CFAP251: variants seen among roughly 807,000 people sequenced by gnomAD.
CFAP251 encodes cilia- and flagella-associated protein 251.
CFAP251 carries 93 observed loss-of-function variants against 126.7 expected under a neutral mutation model. That is an observed-to-expected ratio of 0.73 (90% CI 0.62 to 0.87). The LOEUF (loss-of-function observed/expected upper bound fraction) is 0.87. Among genes scored for constraint, CFAP251 ranks in the 40% least tolerant of loss-of-function variants. The probability of loss-of-function intolerance (pLI) is 0.00; values close to 1 mark genes in which losing one functional copy is unlikely to be tolerated. For synonymous variants in CFAP251, 503 were observed against 506.9 expected, an observed-to-expected ratio of 0.99 and a Z score of 0.10; for missense variants, 1,287 against 1,389.2, an observed-to-expected ratio of 0.93 and a Z score of 1.17.
chr12:121,985,526 A>G (rs1371630980), intron 19 of CFAP251, among the ~76,000 whole-genome samples: 1 of 130,174 alleles, frequency 7.7e-6, no homozygotes, highest in Non-Finnish European at 1.5e-5. Flanking sequence ...ACAGAGCAAG[A>G]CTCCATCTCA....
At chr12:121,954,664 A>T (rs943708238) in intron 10 of CFAP251, among the ~76,000 whole-genome samples, 1 of 147,844 alleles carries the variant, frequency 6.8e-6, no homozygotes, top group African/African-American at 2.4e-5. Flanking sequence ...AAAAAAAAAA[A>T]AAAACCTCTT....
At chr12:121,984,716 T>C (rs550860945) in intron 19 of CFAP251, among the ~76,000 whole-genome samples, 87 of 152,338 alleles carry the variant, frequency 5.7e-4, no homozygotes, top group African/African-American at 1.8e-3. Context: ...GGCAGTTCCA[T>C]CCTCTATCTT....
Position 121,934,307 on chromosome 12 carries a change from G to T in CFAP251, c.949G>T (p.Ala317Ser). ...TGAAGACAGGCGGTGGATCGCCACA[G>T]CAGACAAAGGGCCAGACTGCCTGGT... is the stretch of plus-strand genomic sequence containing the variant. ...VSEDRRWIAT[A>S]DKGPDCLVII... is the part of the protein sequence containing the mutation. Residue 317 changes from alanine (A) to serine (S), a missense_variant, in exon 5 of 22, where the codon GCA (alanine) becomes TCA (serine). Ala to Ser is a moderately conservative substitution (Grantham distance 99). Transcript: ENST00000288912. 5 of 1,614,058 alleles carry T rather than the reference G, an allele frequency of 3.1e-6. No homozygotes were observed. The highest frequency in any genetic ancestry group is 3.4e-6 in the Non-Finnish European group (4 of 1,180,004).
rs1339855258 is a variant in CFAP251 at position 121,960,701 on chromosome 12, G to T, written c.2250G>T (p.Gly750=). ...HRKSIRSLLF[G]VYLDSNEPRL... ...AAAGCATTCGAAGTCTCCTGTTTGG[G>T]GTTTACCTGGACAGCAATGAGCCTA... The change falls in exon 14 of 22, where the codon GGG becomes GGT. Residue 750 remains glycine (G), a synonymous_variant. Coordinates refer to ENST00000288912, the MANE Select transcript of CFAP251 (RefSeq NM_144668.6). 3 of 1,613,960 alleles carry T rather than the reference G, an allele frequency of 1.9e-6. No individual in the cohort carries two copies. The highest frequency in any genetic ancestry group is 2.5e-6 in the Non-Finnish European group (3 of 1,179,930).
rs776727712 is a variant in CFAP251 at position 121,999,734 on chromosome 12, G to A, written c.3025G>A (p.Glu1009Lys). Reference sequence around the variant, plus strand: ...CCCCTAGATTGATGATATATTTAACGAAATCAAATTTGGTGAATATGTGGA... The same window carrying A: ...CCCCTAGATTGATGATATATTTAACAAAATCAAATTTGGTGAATATGTGGA... Reference protein sequence around the residue: ...SEEKIDDIFNEIKFGEYVDTG... With the variant: ...SEEKIDDIFNKIKFGEYVDTG... The change falls in exon 20 of 22, where the codon GAA (glutamate) becomes AAA (lysine). Residue 1009 changes from glutamate (E) to lysine (K), a missense_variant. Physicochemically the swap from Glu to Lys is moderately conservative, Grantham distance 56. Coordinates refer to ENST00000288912, the MANE Select transcript of CFAP251 (RefSeq NM_144668.6). The A allele has an allele frequency of 1.8e-5, 29 of 1,605,270 alleles. No individual in the cohort carries two copies. Among genetic ancestry groups the A allele is most frequent in the Middle Eastern group, 1.7e-4 (1 of 6,060 alleles).
At chr12:121,951,892 G>A (rs1231843476) in intron 9 of CFAP251, among the ~76,000 whole-genome samples, 2 of 151,458 alleles carry the variant, frequency 1.3e-5, no homozygotes, top group Non-Finnish European at 2.9e-5. Flanking sequence ...CTAATTTTTT[G>A]TATTTTTTTT....
At chr12:121,927,301 T>C (rs1287747437) in intron 3 of CFAP251, among the ~76,000 whole-genome samples, 4 of 152,126 alleles carry the variant, frequency 2.6e-5, no homozygotes, top group Admixed American at 2.6e-4. Flanking sequence ...CTTCCTCTTT[T>C]TGTTTTTCTT....
At chr12:121,947,734 G>A (rs898624776) in intron 7 of CFAP251, 5 of 152,182 alleles carry the variant, frequency 3.3e-5, no homozygotes, top group African/African-American at 1.2e-4. Context: ...TAGCAGAGTG[G>A]TCAGCTTAAT....
Position 121,928,674 on chromosome 12 carries a change from A to ATACG in CFAP251, c.748-3070_748-3069insCGTA, listed in dbSNP as rs1565902707. 5.1e-3 allele frequency among the ~76,000 whole-genome samples: 91 copies of ATACG among 17,792 alleles called. 3 individuals carry two copies. In the African/African-American group the frequency reaches 0.056, roughly 11 times the overall value. 11.7% of individuals were successfully genotyped at this position (17,792 alleles called of 152,430 possible). A position where few individuals can be genotyped will look rare whatever the true frequency, so the allele number is the denominator to read the frequency against. On this transcript the variant is annotated intron_variant, in intron 3 of 21. Transcript: ENST00000288912. ...TATATATACGTATATATATACGTAT[A>ATACG]TATATATATATATACGTATATATAT...
At chr12:121,998,866 G>C (rs1883083984) in intron 19 of CFAP251, 2 of 135,814 alleles carry the variant, frequency 1.5e-5, no homozygotes, top group Non-Finnish European at 3.0e-5. Context: ...CTCCAGTCTG[G>C]GTCAAAGAGT....
chr12:121,992,455 T>G, intron 19 of CFAP251: 1 of 985,408 alleles, frequency 1.0e-6, no homozygotes, highest in Non-Finnish European at 1.2e-6. Context: ...TGGAACTCTC[T>G]GGGTATGAGT....
At chr12:121,971,316 G>T (rs1397756133) in intron 17 of CFAP251, among the ~76,000 whole-genome samples, 1 of 152,186 alleles carries the variant, frequency 6.6e-6, no homozygotes, top group Admixed American at 6.5e-5. Context: ...TGCTGGAGGG[G>T]CCCTCAGGCA....
chr12:121,962,138 T>G lies in CFAP251; in HGVS notation c.2468T>G (p.Phe823Cys), dbSNP rs1370016080. 1 of 1,613,556 alleles carries G rather than the reference T, an allele frequency of 6.2e-7. No homozygotes were observed. The change falls in exon 15 of 22, where the codon TTT (phenylalanine) becomes TGT (cysteine). Residue 823 changes from phenylalanine to cysteine, a missense_variant. Phe to Cys is a radical substitution (Grantham distance 205). Transcript: ENST00000288912. ...ICNSGYKVKL[F>C]NATTKMCRKT... ...AACAGTGGCTACAAAGTGAAGCTTT[T>G]TAATGCTACTACCAAAATGTGCAGG...
chr12:121,918,711 A>ACAG lies in CFAP251; in HGVS notation c.-21+16_-21+17insCAG, dbSNP rs895227835. 3.3e-5 allele frequency: 5 copies of ACAG among 152,448 alleles called. No homozygotes were observed. The highest frequency in any genetic ancestry group is 1.2e-4 in the African/African-American group (5 of 41,434). The allele number at this position is 152,448 out of a possible 1,614,324, so 9.4% of individuals were successfully genotyped here. A position where few individuals can be genotyped will look rare whatever the true frequency, so the allele number is the denominator to read the frequency against. ...GAAGACCGGGGTGGGTGCTCTCTGTAAGTCCGGGGCGGAGGCCACGCGGCC... is the reference window on the plus strand; with the variant it reads ...GAAGACCGGGGTGGGTGCTCTCTGTACAGAGTCCGGGGCGGAGGCCACGCGGCC... On this transcript the variant is annotated intron_variant, in intron 1 of 21. Coordinates refer to ENST00000288912, the MANE Select transcript of CFAP251 (RefSeq NM_144668.6). This position sits in a 1 kb window ranked among gnomAD's most constrained non-coding sequence, Gnocchi z 4.3.
At position 121,934,195 on chromosome 12, in the gene CFAP251, A is replaced by G. The variant is rs1175291343; in HGVS notation, c.889-52A>G. On this transcript the variant is annotated intron_variant, in intron 4 of 21. Coordinates refer to ENST00000288912, the MANE Select transcript of CFAP251 (RefSeq NM_144668.6). ...CCCCGGCCTTTGCTGATAGTGGCCAAGGCTGGGCCGCATCTTGGATGTTTC... is the reference window on the plus strand; with the variant it reads ...CCCCGGCCTTTGCTGATAGTGGCCAGGGCTGGGCCGCATCTTGGATGTTTC... 5.4e-6 allele frequency: 8 copies of G among 1,478,294 alleles called. No individual in the cohort carries two copies. In the Admixed American group the frequency reaches 1.3e-4, roughly 24 times the overall value. The allele number at this position is 1,478,294 out of a possible 1,614,324, so 91.6% of individuals were successfully genotyped here. A position where few individuals can be genotyped will look rare whatever the true frequency, so the allele number is the denominator to read the frequency against.
rs1880296003 is a variant in CFAP251 at position 121,923,924 on chromosome 12, A to G, written c.681A>G (p.Ser227=). ...CCAAAGCAGGGATCTCCCGGGAGTC[A>G]CTGGTGTCCAGCACCACAGAGGACA... ...IQSKAGISRE[S]LVSSTTEDIL... Residue 227 remains serine (S), a synonymous_variant, in exon 3 of 22, where the codon TCA becomes TCG. Transcript: ENST00000288912. 1.9e-6 allele frequency: 3 copies of G among 1,613,984 alleles called. No homozygotes were observed. Among genetic ancestry groups the G allele is most frequent in the African/African-American group, 1.3e-5 (1 of 74,928 alleles).
intron 7 of CFAP251, 63 bp downstream of exon 7, chr12:121,943,038 G>T: frequency 6.4e-7 from 1 of 1,568,738 alleles, no homozygotes; most frequent in Non-Finnish European, 8.8e-7. Flanking sequence ...GCCAGGCTGG[G>T]CGTGGTGGCT....
chr12:121,979,851 C>T (rs2135803302), intron 19 of CFAP251, among the ~76,000 whole-genome samples: 2 of 152,270 alleles, frequency 1.3e-5, no homozygotes, highest in South Asian at 2.1e-4. Context: ...CAGGCGTGAG[C>T]CACCGTGCCC....
At chr12:121,954,852 A>G (rs1262086730) in intron 10 of CFAP251, among the ~76,000 whole-genome samples, 1 of 152,090 alleles carries the variant, frequency 6.6e-6, no homozygotes, top group Non-Finnish European at 1.5e-5. Context: ...AATCATGAGT[A>G]TGCATTATGT....
Sources: allele counts gnomAD v4.1 joint callset (sites outside exome capture counted in the v4.1 genomes callset), GRCh38; gene constraint gnomAD v4.1.1; non-coding constraint Gnocchi (gnomAD v3.1); transcripts MANE v1.5; gene names NCBI Gene and HGNC (gene_info 2026-07-23, HGNC 2026-07-21).